The following MYO3A variants were observed in gnomAD, a reference collection of about 807,000 sequenced individuals.
MYO3A encodes myosin IIIA, also known as myosin-IIIa.
Under a neutral mutation model 192.7 loss-of-function variants are expected in MYO3A, and 180 were observed. That is an observed-to-expected ratio of 0.93 (90% CI 0.83 to 1.06). MYO3A has a LOEUF of 1.06. Among genes scored for constraint, MYO3A ranks in the 50% least tolerant of loss-of-function variants. The probability of loss-of-function intolerance (pLI) is 0.00; values close to 1 mark genes in which losing one functional copy is unlikely to be tolerated. For synonymous variants in MYO3A, 628 were observed against 645.3 expected, an observed-to-expected ratio of 0.97 and a Z score of 0.41; for missense variants, 1,896 against 1,905.0, an observed-to-expected ratio of 1.00 and a Z score of 0.09.
chr10:26,065,025 T>C (rs1834727089), intron 10 of MYO3A, among the ~76,000 whole-genome samples: 1 of 152,086 alleles, frequency 6.6e-6, no homozygotes, highest in South Asian at 2.1e-4. Context: ...GAACTGAAAC[T>C]TGGGAGACCC....
intron 14 of MYO3A, among the ~76,000 whole-genome samples, chr10:26,084,726 A>G (rs1814282920): frequency 6.6e-6 from 1 of 152,026 alleles, no homozygotes; most frequent in African/African-American, 2.4e-5. Context: ...CTGGTCTCAA[A>G]CTCCTGGCTT....
chr10:26,207,506 G>T (rs557689677), intron 34 of MYO3A, among the ~76,000 whole-genome samples: 3 of 152,150 alleles, frequency 2.0e-5, no homozygotes, highest in Non-Finnish European at 4.4e-5. Flanking sequence ...TGGACATGTG[G>T]TTTTTGCAGC....
chr10:26,095,797 G>C (rs1393105065), intron 15 of MYO3A, among the ~76,000 whole-genome samples: 2 of 152,214 alleles, frequency 1.3e-5, no homozygotes, highest in African/African-American at 2.4e-5. Flanking sequence ...CCTCATACAA[G>C]TGAGAAAACT....
rs1839170770 is a variant in MYO3A at position 26,125,562 on chromosome 10, A to G, written c.2068A>G (p.Ile690Val). 3 of 1,613,938 alleles carry G rather than the reference A, an allele frequency of 1.9e-6. No individual in the cohort carries two copies. Among genetic ancestry groups the G allele is most frequent in the Non-Finnish European group, 2.5e-6 (3 of 1,179,918 alleles). Reference protein sequence around the residue: ...KTLYGRLFSWIVNCINSLLKH... With the variant: ...KTLYGRLFSWVVNCINSLLKH... ...TTTATATGGACGTCTCTTTAGTTGG[A>G]TAGTCAATTGCATTAACAGTTTGTT... The change falls in exon 19 of 35, where the codon ATA becomes GTA. Residue 690 changes from isoleucine (I) to valine (V), a missense_variant. Ile to Val is a conservative substitution (Grantham distance 29, BLOSUM62 3). Transcript: ENST00000642920.
intron 31 of MYO3A, among the ~76,000 whole-genome samples, chr10:26,182,102 G>A (rs1300419352): frequency 6.6e-6 from 1 of 152,212 alleles, no homozygotes; most frequent in Non-Finnish European, 1.5e-5. Context: ...TTAACAACAA[G>A]AGCCCCTAAG....
chr10:26,015,446 T>C (rs1469350410), intron 6 of MYO3A, among the ~76,000 whole-genome samples: 2 of 152,212 alleles, frequency 1.3e-5, no homozygotes, highest in Non-Finnish European at 2.9e-5. Context: ...TTTATGTCAA[T>C]CATTTTAATA....
At chr10:26,100,583 C>T (rs1023001899) in intron 17 of MYO3A, among the ~76,000 whole-genome samples, 8 of 152,076 alleles carry the variant, frequency 5.3e-5, no homozygotes, top group Non-Finnish European at 1.0e-4. Context: ...TAAGTGTGTC[C>T]CAGAGATTCT....
chr10:25,970,354 A>G (rs1484082150), intron 4 of MYO3A, among the ~76,000 whole-genome samples: 1 of 152,040 alleles, frequency 6.6e-6, no homozygotes, highest in Non-Finnish European at 1.5e-5. Flanking sequence ...ACTTTAGGTC[A>G]GAGAGGAAAT....
At position 26,195,209 on chromosome 10, in the gene MYO3A, T is replaced by A. The variant is rs529170761; in HGVS notation, c.4545+1898T>A. On this transcript the variant is annotated intron_variant, in intron 32 of 34. Coordinates refer to ENST00000642920, the MANE Select transcript of MYO3A (RefSeq NM_017433.5). ...ACAATATATGGTCTTTTGTGAATAGTCAACTAATTTTACAAACCAGTAATC... is the reference window on the plus strand; with the variant it reads ...ACAATATATGGTCTTTTGTGAATAGACAACTAATTTTACAAACCAGTAATC... Among the ~76,000 whole-genome samples the A allele has an allele frequency of 4.7e-4, 72 of 152,292 alleles. No individual in the cohort carries two copies. The South Asian group carries it at 0.015, about 31-fold the overall frequency.
intron 17 of MYO3A, among the ~76,000 whole-genome samples, chr10:26,105,461 G>A (rs776296852): frequency 6.6e-6 from 1 of 151,940 alleles, no homozygotes; most frequent in Non-Finnish European, 1.5e-5. Context: ...TAATATATTT[G>A]AACATCTTTC....
intron 22 of MYO3A, 80 bp downstream of exon 22, chr10:26,145,614 C>A: frequency 2.7e-6 from 3 of 1,111,520 alleles, no homozygotes; most frequent in Non-Finnish European, 4.1e-6. Flanking sequence ...AATTATGGCC[C>A]AAAATGTTTA....
chr10:25,961,010 A>G (rs1240479917), intron 4 of MYO3A, among the ~76,000 whole-genome samples: 1 of 152,216 alleles, frequency 6.6e-6, no homozygotes, highest in East Asian at 1.9e-4. Flanking sequence ...TTTGCCTTAC[A>G]TTAATGGATA....
rs571654530 is a variant in MYO3A at position 26,196,347 on chromosome 10, A to C, written c.4545+3036A>C. ...ACTGAAGTGAAATGTTATTACTAAC[A>C]ACCAGTGAGAAGTGTGGAGCAAATT... On this transcript the variant is annotated intron_variant, in intron 32 of 34. Coordinates refer to ENST00000642920, the MANE Select transcript of MYO3A (RefSeq NM_017433.5). Among the ~76,000 whole-genome samples the C allele has an allele frequency of 2.0e-5, 3 of 152,370 alleles. No individual in the cohort carries two copies. The South Asian group carries it at 6.2e-4, about 32-fold the overall frequency.
chr10:26,100,785 T>C (rs556189627), intron 17 of MYO3A, among the ~76,000 whole-genome samples: 13 of 152,328 alleles, frequency 8.5e-5, no homozygotes, highest in African/African-American at 3.1e-4. Flanking sequence ...TTCTGTTGTT[T>C]TACATTTCCT....
chr10:25,951,368 G>A (rs891171122), intron 2 of MYO3A, among the ~76,000 whole-genome samples: 1 of 152,156 alleles, frequency 6.6e-6, no homozygotes, highest in Non-Finnish European at 1.5e-5. Context: ...GGTGGTGCAT[G>A]CAACCCAGAT....
At chr10:26,068,725 CAAAT>C in intron 11 of MYO3A, 39 bp from the exon 12 acceptor site, 1 of 1,311,398 alleles carries the variant, frequency 7.6e-7, no homozygotes, top group South Asian at 1.2e-5. Flanking sequence ...TAGTTGACCA[CAAAT>C]AATTTTTAAG....
chr10:26,150,730 CAT>C (rs749885597), intron 23 of MYO3A, among the ~76,000 whole-genome samples: 11 of 152,208 alleles, frequency 7.2e-5, no homozygotes, highest in East Asian at 1.9e-4. Context: ...ATTTCCTAGA[CAT>C]GTGTTAATTT....
intron 26 of MYO3A, among the ~76,000 whole-genome samples, chr10:26,163,820 G>A (rs1841596391): frequency 6.6e-6 from 1 of 152,178 alleles, no homozygotes; most frequent in Non-Finnish European, 1.5e-5. Context: ...ATGTAGATGA[G>A]ATGCCTGTGG....
At chr10:26,147,406 A>T in intron 22 of MYO3A, 24 bp from the exon 23 acceptor site, 2 of 1,601,394 alleles carry the variant, frequency 1.2e-6, no homozygotes, top group South Asian at 1.1e-5. Context: ...TGATTGTGAT[A>T]ATTATAGCAT....
Sources: gnomAD v4.1 joint callset for allele counts (sites outside exome capture counted in the v4.1 genomes callset) on GRCh38, gnomAD v4.1.1 for gene constraint, MANE v1.5 for transcripts, NCBI Gene and HGNC (gene_info 2026-07-23, HGNC 2026-07-21) for gene names.